The following CRB1 variants were observed in gnomAD, a reference collection of about 807,000 sequenced individuals.
CRB1 encodes protein crumbs homolog 1.
Under a neutral mutation model 120.0 loss-of-function variants are expected in CRB1, and 83 were observed. The observed-to-expected ratio is 0.69, with a 90% confidence interval of 0.58 to 0.83. The LOEUF (loss-of-function observed/expected upper bound fraction) is 0.83. Among genes scored for constraint, CRB1 ranks in the 40% least tolerant of loss-of-function variants. The probability of loss-of-function intolerance (pLI) is 0.00; values close to 1 mark genes in which losing one functional copy is unlikely to be tolerated. For synonymous variants in CRB1, 625 were observed against 612.5 expected, an observed-to-expected ratio of 1.02 and a Z score of -0.30; for missense variants, 1,699 against 1,687.6, an observed-to-expected ratio of 1.01 and a Z score of -0.12.
the CRB1 span, among the ~76,000 whole-genome samples, chr1:197,207,766 T>C: frequency 2.0e-5 from 3 of 152,160 alleles, no homozygotes; most frequent in East Asian, 5.8e-4. Context: ...TTTATGTCCC[T>C]AGCAAAACTG....
rs187702029 is a variant in CRB1 at position 197,275,002 on chromosome 1, T to G, written c.70+6520T>G. On this transcript the variant is annotated intron_variant, in intron 1 of 11. Coordinates refer to ENST00000367400, the MANE Select transcript of CRB1 (RefSeq NM_201253.3). ...AGAAGCCCCTTGCTTCCACTGAGAC[T>G]CCACTTGGAATCCTTACCTGCCTTT... Among the ~76,000 whole-genome samples the G allele has an allele frequency of 6.0e-4, 92 of 152,186 alleles. 1 individual carries two copies. Among genetic ancestry groups the G allele is most frequent in the Admixed American group, 5.6e-3 (86 of 15,270 alleles).
At chr1:197,288,196 G>A (rs1655946974) in intron 1 of CRB1, among the ~76,000 whole-genome samples, 1 of 151,878 alleles carries the variant, frequency 6.6e-6, no homozygotes, top group South Asian at 2.1e-4. Flanking sequence ...ATGCATGTAA[G>A]GAAAGTTCCC....
At chr1:197,456,843 G>A (rs1302042333) in intron 11 of CRB1, among the ~76,000 whole-genome samples, 1 of 152,056 alleles carries the variant, frequency 6.6e-6, no homozygotes, top group Non-Finnish European at 1.5e-5. Flanking sequence ...ACACAGCCAA[G>A]GACACTCTCA....
At chr1:197,298,933 AT>A (rs1471318579) in intron 1 of CRB1, among the ~76,000 whole-genome samples, 3 of 152,172 alleles carry the variant, frequency 2.0e-5, no homozygotes, top group Non-Finnish European at 4.4e-5. Context: ...GCAAAAGAAT[AT>A]TTCATTACCT....
In CRB1 at chr1:197,477,878, A is replaced by G; in HGVS notation, c.4220A>G (p.Ter1407TrpextTer111). Residue 1407 changes from the stop codon to tryptophan, a stop_lost, in exon 12 of 12, where the codon TAG becomes TGG. Transcript: ENST00000367400. Reference sequence around the variant, plus strand: ...CCCCCTGCAATGGAGAGACTGATTTAGGAGCATTGTGTCCCTTCGAGATGG... The same window carrying G: ...CCCCCTGCAATGGAGAGACTGATTTGGGAGCATTGTGTCCCTTCGAGATGG... ...MPPPAMERLI[*>W] is the part of the protein sequence containing the mutation. The G allele has an allele frequency of 1.2e-6, 2 of 1,613,674 alleles. No individual in the cohort carries two copies. Among genetic ancestry groups the G allele is most frequent in the Non-Finnish European group, 1.7e-6 (2 of 1,179,706 alleles).
At position 197,357,031 on chromosome 1, in the gene CRB1, G is replaced by A; in HGVS notation, c.1171+18G>A. The A allele has an allele frequency of 6.2e-7, 1 of 1,613,400 alleles. No individual in the cohort carries two copies. Among genetic ancestry groups the A allele is most frequent in the Non-Finnish European group, 8.5e-7 (1 of 1,179,336 alleles). On this transcript the variant is annotated intron_variant, in intron 5 of 11. Coordinates refer to ENST00000367400, the MANE Select transcript of CRB1 (RefSeq NM_201253.3). ...ATTCACAGGTGAGGCCAAGGAGATG[G>A]GATATGACTTGACTTTCTGGTATTT...
At chr1:197,265,298 CTTCT>C (rs1654606629), upstream of CRB1, among the ~76,000 whole-genome samples, 4 of 151,406 alleles carry the variant, frequency 2.6e-5, no homozygotes, top group Admixed American at 2.6e-4. Flanking sequence ...CTCTCTCCTG[CTTCT>C]TTCTTTCCTT....
rs2125297522 is a variant in CRB1, at chr1:197,325,107, T to C, written c.71-3315T>C. Among the ~76,000 whole-genome samples, 3 of 152,310 alleles carry C rather than the reference T, an allele frequency of 2.0e-5. No homozygotes were observed. In the South Asian group the frequency reaches 6.2e-4, roughly 32 times the overall value. ...TGGGAATTCAGGTTTCCTTGCTCAC[T>C]CATTCATTATTCAACAAATTTCTAT... On this transcript the variant is annotated intron_variant, in intron 1 of 11. Coordinates refer to ENST00000367400, the MANE Select transcript of CRB1 (RefSeq NM_201253.3).
chr1:197,354,022 A>T (rs1275912096), intron 4 of CRB1, among the ~76,000 whole-genome samples: 2 of 134,894 alleles, frequency 1.5e-5, no homozygotes, highest in African/African-American at 2.7e-5. Context: ...TGAAATGGTA[A>T]AAAAAAAAAA....
chr1:197,208,628 G>A, the CRB1 span, among the ~76,000 whole-genome samples: 1 of 152,118 alleles, frequency 6.6e-6, no homozygotes, highest in Non-Finnish European at 1.5e-5. Context: ...GGAGTGAAGT[G>A]GACTCTGTGA....
intron 1 of CRB1, among the ~76,000 whole-genome samples, chr1:197,310,958 C>A (rs533001697): frequency 3.6e-4 from 55 of 152,190 alleles, no homozygotes; most frequent in African/African-American, 1.2e-3. Context: ...TTTTGATGAA[C>A]AATAATCTCA....
At chr1:197,411,265 T>A (rs1663698200) in intron 5 of CRB1, among the ~76,000 whole-genome samples, 1 of 152,184 alleles carries the variant, frequency 6.6e-6, no homozygotes, top group Admixed American at 6.5e-5. Context: ...CCCCAGATAC[T>A]ATCATCGGTC....
intron 4 of CRB1, among the ~76,000 whole-genome samples, chr1:197,352,522 C>G (rs1235701722): frequency 2.0e-5 from 3 of 152,070 alleles, no homozygotes; most frequent in Non-Finnish European, 4.4e-5. Flanking sequence ...TTAATAAAAA[C>G]TTATTGTAAA....
chr1:197,448,082 T>TC (rs1446205620), intron 11 of CRB1, among the ~76,000 whole-genome samples: 27 of 152,194 alleles, frequency 1.8e-4, no homozygotes, highest in Non-Finnish European at 2.9e-5. Flanking sequence ...TGTTTTTTTT[T>TC]CTCTATAATT....
At chr1:197,293,369 C>T (rs1227362636) in intron 1 of CRB1, among the ~76,000 whole-genome samples, 1 of 152,008 alleles carries the variant, frequency 6.6e-6, no homozygotes, top group Non-Finnish European at 1.5e-5. Context: ...CGTGAAGGAC[C>T]TCTTCAAGGA....
chr1:197,227,029 A>C, the CRB1 span, among the ~76,000 whole-genome samples: 1 of 152,206 alleles, frequency 6.6e-6, no homozygotes, highest in South Asian at 2.1e-4. Flanking sequence ...AGTACAATTC[A>C]AGATGAGCTT....
intron 1 of CRB1, among the ~76,000 whole-genome samples, chr1:197,310,245 G>C (rs1435400207): frequency 6.6e-6 from 1 of 152,102 alleles, no homozygotes; most frequent in Non-Finnish European, 1.5e-5. Flanking sequence ...CCTCCTCAAG[G>C]AGAATGAGAA....
chr1:197,348,133 G>A (rs1039484963), intron 4 of CRB1, among the ~76,000 whole-genome samples: 1 of 152,204 alleles, frequency 6.6e-6, no homozygotes, highest in African/African-American at 2.4e-5. Context: ...CCGTGGTCCT[G>A]TAAGATTACA....
At chr1:197,438,762 T>A in intron 10 of CRB1, 87 bp downstream of exon 10, 1 of 1,521,046 alleles carries the variant, frequency 6.6e-7, no homozygotes, top group Non-Finnish European at 9.1e-7. Context: ...TCTAATTTTT[T>A]ATCTCAGTTC....
Sources: gnomAD v4.1 joint callset for allele counts (sites outside exome capture counted in the v4.1 genomes callset) on GRCh38, gnomAD v4.1.1 for gene constraint, MANE v1.5 for transcripts, NCBI Gene and HGNC (gene_info 2026-07-23, HGNC 2026-07-21) for gene names.